Variants in NBAS observed in about 807,000 individuals in gnomAD.
NBAS encodes NBAS subunit of NRZ tethering complex.
NBAS carries 219 observed loss-of-function variants against 302.5 expected under a neutral mutation model. The ratio of observed to expected loss-of-function variants is 0.72; its 90% CI spans 0.65 to 0.81. NBAS has a LOEUF of 0.81. Among genes scored for constraint, NBAS ranks in the 30% least tolerant of loss-of-function variants. The pLI is 0.00. For synonymous variants in NBAS, 1,118 were observed against 1,021.6 expected, an observed-to-expected ratio of 1.09 and a Z score of -1.80; for missense variants, 2,932 against 2,841.6, an observed-to-expected ratio of 1.03 and a Z score of -0.72.
chr2:14,977,827 T>C, the NBAS span, among the ~76,000 whole-genome samples: 2 of 152,218 alleles, frequency 1.3e-5, no homozygotes, highest in Non-Finnish European at 2.9e-5. Flanking sequence ...GATACCTGAT[T>C]GGCCTTATTG....
downstream of NBAS, among the ~76,000 whole-genome samples, chr2:15,165,203 A>C (rs1383335268): frequency 6.6e-6 from 1 of 152,246 alleles, no homozygotes; most frequent in East Asian, 1.9e-4. Flanking sequence ...CTGCAAGGTT[A>C]CAGAAAACCC....
rs1476484353 is a variant in NBAS, at chr2:15,504,202, T to G, written c.897A>C (p.Thr299=). ...GGDGVTAVPK[T]LGLLRMLSVK... Reference sequence around the variant, plus strand: ...CACTTAACATCCTTAATAATCCCAGTGTCTTCGGTACCTGCAAAATAAATG... The same window carrying G: ...CACTTAACATCCTTAATAATCCCAGGGTCTTCGGTACCTGCAAAATAAATG... Residue 299 remains threonine (T), a synonymous_variant, in exon 11 of 52, where the codon ACA becomes ACC. Coordinates refer to ENST00000281513, the MANE Select transcript of NBAS (RefSeq NM_015909.4). The G allele has an allele frequency of 6.2e-7, 1 of 1,612,462 alleles. No individual in the cohort carries two copies. The highest frequency in any genetic ancestry group is 8.5e-7 in the Non-Finnish European group (1 of 1,178,566).
At chr2:15,359,990 C>T (rs1315911468) in intron 32 of NBAS, among the ~76,000 whole-genome samples, 1 of 152,146 alleles carries the variant, frequency 6.6e-6, no homozygotes, top group Non-Finnish European at 1.5e-5. Context: ...TCCTAGGCTA[C>T]AAACCTGTAC....
the NBAS span, among the ~76,000 whole-genome samples, chr2:15,046,757 C>G: frequency 6.6e-6 from 1 of 152,080 alleles, no homozygotes; most frequent in Admixed American, 6.6e-5. Flanking sequence ...GAGTCTGGAA[C>G]CTGGTGAATG....
chr2:14,782,083 T>C, the NBAS span, among the ~76,000 whole-genome samples: 5 of 152,180 alleles, frequency 3.3e-5, 1 homozygote, highest in South Asian at 1.0e-3. Flanking sequence ...GTATCCATCA[T>C]AATGGCCAAC....
chr2:15,184,465 G>A (rs367848387), intron 50 of NBAS, among the ~76,000 whole-genome samples: 11 of 151,780 alleles, frequency 7.2e-5, no homozygotes, highest in Admixed American at 5.9e-4. Flanking sequence ...ACCGAGGGGC[G>A]ATGGGCTACA....
chr2:15,546,955 G>A (rs1209039062), intron 6 of NBAS, among the ~76,000 whole-genome samples: 8 of 152,162 alleles, frequency 5.3e-5, no homozygotes, highest in Admixed American at 1.3e-4. Flanking sequence ...AAGCTGTTGC[G>A]TACAGTTAGG....
chr2:15,198,296 G>T (rs533744580), intron 48 of NBAS, among the ~76,000 whole-genome samples: 74 of 152,352 alleles, frequency 4.9e-4, no homozygotes, highest in African/African-American at 1.6e-3. Flanking sequence ...TCAGGTGGTA[G>T]TTAGAAGGCT....
At chr2:15,121,786 C>T in the NBAS span, among the ~76,000 whole-genome samples, 1 of 151,928 alleles carries the variant, frequency 6.6e-6, no homozygotes, top group Non-Finnish European at 1.5e-5. Context: ...ACCCTACCCA[C>T]ACTAAATGTT....
chr2:15,100,473 G>T, the NBAS span, among the ~76,000 whole-genome samples: 1 of 152,152 alleles, frequency 6.6e-6, no homozygotes, highest in African/African-American at 2.4e-5. Context: ...AACAGGAAAA[G>T]GGAAATTTAA....
intron 11 of NBAS, among the ~76,000 whole-genome samples, chr2:15,501,297 T>C (rs1445631012): frequency 2.0e-5 from 3 of 151,142 alleles, no homozygotes; most frequent in Non-Finnish European, 4.4e-5. Flanking sequence ...AAAAAAAAGA[T>C]AATATTATAT....
At chr2:15,218,016 GA>G (rs1666728938) in intron 48 of NBAS, among the ~76,000 whole-genome samples, 1 of 152,214 alleles carries the variant, frequency 6.6e-6, no homozygotes, top group Non-Finnish European at 1.5e-5. Flanking sequence ...ATGGTATGGA[GA>G]AACTAAGGTC....
intron 28 of NBAS, chr2:15,393,794 C>T (rs112016862): frequency 2.8e-5 from 13 of 462,086 alleles, no homozygotes; most frequent in African/African-American, 2.2e-4. Context: ...TGATTCATGA[C>T]ACAACATGGA....
chr2:15,095,593 A>T, the NBAS span, among the ~76,000 whole-genome samples: 3 of 152,224 alleles, frequency 2.0e-5, no homozygotes, highest in Non-Finnish European at 4.4e-5. Flanking sequence ...ATCATGCAGG[A>T]AAACAGCATT....
At chr2:15,495,572 C>T (rs141429331) in intron 11 of NBAS, among the ~76,000 whole-genome samples, 1 of 151,976 alleles carries the variant, frequency 6.6e-6, no homozygotes, top group African/African-American at 2.4e-5. Context: ...TGAAAAATTG[C>T]ATGATAAAAG....
chr2:15,465,498 C>A (rs138027198), intron 19 of NBAS, among the ~76,000 whole-genome samples: 55 of 152,262 alleles, frequency 3.6e-4, no homozygotes, highest in Admixed American at 2.6e-3. Flanking sequence ...CAATATCTTG[C>A]GTTTAGGAGG....
chr2:15,375,946 A>G (rs990396462), intron 30 of NBAS, among the ~76,000 whole-genome samples: 1 of 152,188 alleles, frequency 6.6e-6, no homozygotes, highest in Non-Finnish European at 1.5e-5. Flanking sequence ...AAAGGTATGC[A>G]TAATAGTAAG....
the NBAS span, among the ~76,000 whole-genome samples, chr2:14,970,249 T>G: frequency 1.3e-5 from 2 of 152,182 alleles, no homozygotes; most frequent in Admixed American, 1.3e-4. Flanking sequence ...TGCATATATA[T>G]TTCTTATAAA....
chr2:15,223,262 G>A (rs1181685950), intron 47 of NBAS, among the ~76,000 whole-genome samples: 2 of 152,056 alleles, frequency 1.3e-5, no homozygotes, highest in African/African-American at 2.4e-5. Flanking sequence ...CATATGCATA[G>A]GGAAACAGAG....
Sources: allele counts gnomAD v4.1 joint callset (sites outside exome capture counted in the v4.1 genomes callset), GRCh38; gene constraint gnomAD v4.1.1; transcripts MANE v1.5; gene names NCBI Gene and HGNC (gene_info 2026-07-23, HGNC 2026-07-21).